STRN3: variants seen among roughly 807,000 people sequenced by gnomAD.
STRN3 encodes the protein striatin 3.
In STRN3, 29 loss-of-function variants were observed where a neutral mutation model predicts 95.6. The observed-to-expected ratio is 0.30, with a 90% CI of 0.23 to 0.41. The LOEUF (loss-of-function observed/expected upper bound fraction) is 0.41, where lower values mean the gene tolerates loss of function less well. Ranked by LOEUF, STRN3 falls within the 10% of genes least tolerant of loss-of-function variation. The pLI, the probability that STRN3 is intolerant of heterozygous loss-of-function variation, is 1.00. For synonymous variants in STRN3, 331 were observed against 357.6 expected, an observed-to-expected ratio of 0.93 and a Z score of 0.84; for missense variants, 890 against 972.1, an observed-to-expected ratio of 0.92 and a Z score of 1.12.
chr14:30,905,150 G>A (rs1896427948), intron 15 of STRN3, among the ~76,000 whole-genome samples: 1 of 151,996 alleles, frequency 6.6e-6, no homozygotes, highest in Non-Finnish European at 1.5e-5. Context: ...TGAATGCTGA[G>A]TACATTAAGT....
At chr14:30,970,469 G>C (rs1263501347) in intron 1 of STRN3, among the ~76,000 whole-genome samples, 1 of 152,184 alleles carries the variant, frequency 6.6e-6, no homozygotes, top group Non-Finnish European at 1.5e-5. Flanking sequence ...TCCCCCAGCT[G>C]TCAGCTAAAC....
intron 7 of STRN3, among the ~76,000 whole-genome samples, chr14:30,929,971 A>AAAAAAAAC (rs1878441620): frequency 3.3e-5 from 5 of 149,816 alleles, no homozygotes; most frequent in African/African-American, 1.2e-4. Context: ...AAAAAAAAAA[A>AAAAAAAAC]AAAAAAAACT....
At chr14:30,938,336 T>C (rs1013822335) in intron 5 of STRN3, among the ~76,000 whole-genome samples, 1 of 152,148 alleles carries the variant, frequency 6.6e-6, no homozygotes, top group African/African-American at 2.4e-5. Flanking sequence ...TACTTTCAGC[T>C]CAAAATTTAC....
chr14:30,982,547 T>C (rs566348944), intron 1 of STRN3, among the ~76,000 whole-genome samples: 1 of 152,232 alleles, frequency 6.6e-6, no homozygotes, highest in African/African-American at 2.4e-5. Flanking sequence ...TGGCCTCAAG[T>C]GATCTGCCCG....
intron 1 of STRN3, among the ~76,000 whole-genome samples, chr14:30,977,126 C>T (rs767738113): frequency 2.6e-5 from 4 of 151,774 alleles, no homozygotes; most frequent in Non-Finnish European, 5.9e-5. Flanking sequence ...CTTGGGAGGC[C>T]GAGGCAGGAG....
At chr14:30,946,194 A>G (rs1879350385) in intron 5 of STRN3, among the ~76,000 whole-genome samples, 1 of 152,196 alleles carries the variant, frequency 6.6e-6, no homozygotes. Flanking sequence ...AACTACATGA[A>G]ATCAGTCTCA....
rs532811674 is a variant in STRN3 at position 30,935,145 on chromosome 14, ATTTC to A, written c.988+14_988+17del. ...AGGGCTAGATTTCCTCCCACCCGGTATTTCTTTATCACCTTACCCCATTCTGTGC... is the reference window on the plus strand; with the variant it reads ...AGGGCTAGATTTCCTCCCACCCGGTATTTATCACCTTACCCCATTCTGTGC... On this transcript the variant is annotated intron_variant, in intron 7 of 17. Coordinates refer to ENST00000357479, the MANE Select transcript of STRN3 (RefSeq NM_001083893.2). The A allele has an allele frequency of 7.8e-5, 125 of 1,611,054 alleles. No individual in the cohort carries two copies. The African/African-American group carries it at 1.6e-3, about 20-fold the overall frequency.
chr14:30,986,123 T>C (rs1248284550), intron 1 of STRN3, among the ~76,000 whole-genome samples: 2 of 152,248 alleles, frequency 1.3e-5, no homozygotes, highest in Non-Finnish European at 1.5e-5. Flanking sequence ...GGAGTGAAGG[T>C]ATAAAAGTTC....
Position 30,957,925 on chromosome 14 carries a change from T to C in STRN3, c.283-1683A>G, listed in dbSNP as rs112706605. The stretch of plus-strand genomic sequence containing the variant: ...TAAATTGTTGTTAAAACTTTAGTTA[T>C]GATGTGTTCATTTCTACAAGAGAAA... On this transcript the variant is annotated intron_variant, in intron 1 of 17. Coordinates refer to ENST00000357479, the MANE Select transcript of STRN3 (RefSeq NM_001083893.2). Among the ~76,000 whole-genome samples the C allele has an allele frequency of 9.9e-3, 1,504 of 152,332 alleles. 31 individuals carry two copies. The highest frequency in any genetic ancestry group is 0.034 in the African/African-American group (1,429 of 41,572).
intron 8 of STRN3, among the ~76,000 whole-genome samples, chr14:30,924,234 C>T (rs202111865): frequency 3.1e-4 from 2 of 6,544 alleles, no homozygotes; most frequent in East Asian, 9.8e-3. Flanking sequence ...AACAAAAAAA[C>T]AAAAAACAAC....
chr14:30,923,466 C>T (rs1408182528), intron 8 of STRN3, among the ~76,000 whole-genome samples: 6 of 151,766 alleles, frequency 4.0e-5, no homozygotes, highest in African/African-American at 1.5e-4. Context: ...ACACCAGTAA[C>T]GGAGAGAAGG....
intron 1 of STRN3, among the ~76,000 whole-genome samples, chr14:30,965,966 C>T (rs1413824682): frequency 1.3e-5 from 2 of 152,026 alleles, no homozygotes. Flanking sequence ...ACCCACTCCA[C>T]CCTGACTCAT....
chr14:30,957,468 A>AAAGAG (rs1555320671), intron 1 of STRN3, among the ~76,000 whole-genome samples: 5,546 of 139,078 alleles, frequency 0.04, 205 homozygotes, highest in Non-Finnish European at 0.061. Flanking sequence ...AAAAAAAAAA[A>AAAGAG]AGAGAGAGAG....
intron 1 of STRN3, among the ~76,000 whole-genome samples, chr14:31,021,733 C>T (rs1430984656): frequency 2.0e-5 from 3 of 152,128 alleles, no homozygotes; most frequent in Non-Finnish European, 2.9e-5. Context: ...TGGTTAAGTA[C>T]ATACGGTTTA....
chr14:30,902,170 TCAAAAAAAA>T (rs1318638040), intron 16 of STRN3, among the ~76,000 whole-genome samples: 1 of 15,900 alleles, frequency 6.3e-5, no homozygotes, highest in African/African-American at 2.5e-4. Flanking sequence ...AAACTCCGCC[TCAAAAAAAA>T]AAAAAAAAAA....
chr14:30,990,272 C>T (rs895373750), intron 1 of STRN3, among the ~76,000 whole-genome samples: 1 of 151,544 alleles, frequency 6.6e-6, no homozygotes, highest in African/African-American at 2.4e-5. Context: ...ATGCCATTCT[C>T]CTGCCTCAGC....
intron 3 of STRN3, among the ~76,000 whole-genome samples, chr14:30,954,489 A>G (rs1879805890): frequency 6.6e-6 from 1 of 152,090 alleles, no homozygotes; most frequent in African/African-American, 2.4e-5. Flanking sequence ...TAATTTTACA[A>G]TATTTTGTTC....
chr14:30,960,698 C>T (rs895442813), intron 1 of STRN3, among the ~76,000 whole-genome samples: 1 of 151,368 alleles, frequency 6.6e-6, no homozygotes, highest in Non-Finnish European at 1.5e-5. Flanking sequence ...TGAAACCCCG[C>T]CTCTACTAAA....
In STRN3 at chr14:30,895,456, A is replaced by G. The variant is rs1174549804; in HGVS notation, c.2349T>C (p.Tyr783=). 4 of 1,613,898 alleles carry G rather than the reference A, an allele frequency of 2.5e-6. No individual in the cohort carries two copies. Among genetic ancestry groups the G allele is most frequent in the East Asian group, 2.2e-5 (1 of 44,866 alleles). The change falls in exon 18 of 18, where the codon TAT becomes TAC. Residue 783 remains tyrosine (Y), a synonymous_variant. Coordinates refer to ENST00000357479, the MANE Select transcript of STRN3 (RefSeq NM_001083893.2). The part of the protein sequence containing the change: ...YDVAFHSSKA[Y]IASAGADALA... ...GAGCATCAGCTCCTGCACTAGCTAT[A>G]TATGCTTTTGACGAGTGGAAAGCAA... is the stretch of plus-strand genomic sequence containing the variant.
Sources: gnomAD v4.1 joint callset for allele counts (sites outside exome capture counted in the v4.1 genomes callset) on GRCh38, gnomAD v4.1.1 for gene constraint, MANE v1.5 for transcripts, NCBI Gene and HGNC (gene_info 2026-07-23, HGNC 2026-07-21) for gene names.